The following FANCA variants were observed in gnomAD, a reference collection of about 807,000 sequenced individuals.
The protein encoded by FANCA is Fanconi anemia group A protein.
FANCA carries 236 observed loss-of-function variants against 194.3 expected under a neutral mutation model. The ratio of observed to expected loss-of-function variants is 1.21; its 90% CI spans 1.09 to 1.35. FANCA has a LOEUF of 1.35. Ranked by LOEUF, FANCA falls within the 40% of genes most tolerant of loss-of-function variation. The pLI, the probability that FANCA is intolerant of heterozygous loss-of-function variation, is 0.00. For synonymous variants in FANCA, 1,014 were observed against 715.8 expected (o/e 1.42, Z -6.65); for missense variants, 2,628 against 1,813.9 (o/e 1.45, Z -8.15).
intron 8 of FANCA, among the ~76,000 whole-genome samples, chr16:89,800,732 TAG>T (rs2040417347): frequency 6.6e-6 from 1 of 151,974 alleles, no homozygotes; most frequent in African/African-American, 2.4e-5. Flanking sequence ...CGGAACAGGA[TAG>T]AGAACCCAGA....
chr16:89,763,948 C>A lies in FANCA; in HGVS notation c.2778+942G>T, dbSNP rs891986670. On this transcript the variant is annotated intron_variant, in intron 28 of 42. Transcript: ENST00000389301. The stretch of plus-strand genomic sequence containing the variant: ...AAAAAAAACAAAACAACAACAACAA[C>A]AAAAAACAAGTTCTCGGGCGCAATG... 9.0e-5 allele frequency among the ~76,000 whole-genome samples: 13 copies of A among 145,028 alleles called. 1 individual carries two copies. The highest frequency in any genetic ancestry group is 6.5e-4 in the South Asian group (3 of 4,600).
chr16:89,778,679 C>T, intron 20 of FANCA, 122 bp downstream of exon 20: 1 of 709,936 alleles, frequency 1.4e-6, no homozygotes, highest in Non-Finnish European at 2.4e-6. Flanking sequence ...ATTTTGGAGC[C>T]AATATTTTAC....
At chr16:89,743,814 A>T (rs1160437733) in intron 36 of FANCA, among the ~76,000 whole-genome samples, 1 of 152,128 alleles carries the variant, frequency 6.6e-6, no homozygotes, top group Non-Finnish European at 1.5e-5. Context: ...CAAGAGTGAA[A>T]CTCTGTCTCA....
intron 14 of FANCA, chr16:89,790,921 C>A: frequency 5.0e-6 from 1 of 199,862 alleles, no homozygotes. Context: ...CCTTGATCTC[C>A]CAGGCTCAAG....
chr16:89,765,121 G>A, intron 27 of FANCA, 55 bp from the exon 28 acceptor site: 5 of 1,596,416 alleles, frequency 3.1e-6, no homozygotes, highest in Non-Finnish European at 4.3e-6. Flanking sequence ...CACTGTGAGT[G>A]GCTGAGCAAA....
chr16:89,800,987 G>A (rs1366907811), intron 8 of FANCA, among the ~76,000 whole-genome samples: 1 of 145,078 alleles, frequency 6.9e-6, no homozygotes, highest in Non-Finnish European at 1.5e-5. Flanking sequence ...GAACCAAGAT[G>A]GCACCACTGC....
chr16:89,773,416 G>A, intron 21 of FANCA, 32 bp from the exon 22 acceptor site: 5 of 1,453,818 alleles, frequency 3.4e-6, no homozygotes, highest in Non-Finnish European at 3.8e-6. Flanking sequence ...CAGATGGAAA[G>A]ACACTCAACA....
At chr16:89,800,012 T>C (rs2040390355) in intron 8 of FANCA, among the ~76,000 whole-genome samples, 1 of 151,958 alleles carries the variant, frequency 6.6e-6, no homozygotes, top group Non-Finnish European at 1.5e-5. Flanking sequence ...GAAAAAGAAA[T>C]GGACTTTACA....
chr16:89,743,790 T>C (rs2062186509), intron 36 of FANCA, among the ~76,000 whole-genome samples: 1 of 152,060 alleles, frequency 6.6e-6, no homozygotes, highest in Non-Finnish European at 1.5e-5. Context: ...GCCATCTCAC[T>C]CTAGGGTGGG....
rs1459779461 is a variant in FANCA at position 89,803,283 on chromosome 16, A to T, written c.768T>A (p.Thr256=). The part of the protein sequence containing the change: ...GFQKNSDLRR[T]VEPEKMPQVT... ...CCTGCGGCATTTTTTCAGGCTCCAC[A>T]GTTCTTCTCAGATCTGAGTTTTTCT... is the stretch of plus-strand genomic sequence containing the variant. The change falls in exon 8 of 43, where the codon ACT becomes ACA. Residue 256 remains threonine (T), a synonymous_variant. Coordinates refer to ENST00000389301, the MANE Select transcript of FANCA (RefSeq NM_000135.4). The T allele has an allele frequency of 1.2e-6, 2 of 1,614,204 alleles. No individual in the cohort carries two copies. The highest frequency in any genetic ancestry group is 1.7e-6 in the Non-Finnish European group (2 of 1,180,026).
Position 89,737,904 on chromosome 16 carries a change from CAGTA to C in FANCA, c.*693_*696del, listed in dbSNP as rs753790953. 1.9e-6 allele frequency: 3 copies of C among 1,601,332 alleles called. No homozygotes were observed. Among genetic ancestry groups the C allele is most frequent in the Non-Finnish European group, 2.5e-6 (3 of 1,178,358 alleles). On this transcript the variant is annotated 3_prime_UTR_variant, in exon 43 of 43. Transcript: ENST00000389301. ...GCGACATTCGGGAGCCAAGCCTTTG[CAGTA>C]AGTGTGAGTCAGGACCCCCTCCCAG...
intron 11 of FANCA, among the ~76,000 whole-genome samples, chr16:89,795,400 G>C (rs1423929304): frequency 6.6e-6 from 1 of 151,998 alleles, no homozygotes; most frequent in African/African-American, 2.4e-5. Flanking sequence ...ACTCTGGGAA[G>C]CCAAGGCAGG....
At position 89,773,285 on chromosome 16, in the gene FANCA, G is replaced by C. The variant is rs755293596; in HGVS notation, c.2000C>G (p.Pro667Arg). Residue 667 changes from proline (P) to arginine (R), a missense_variant, in exon 22 of 43, where the codon CCC (proline) becomes CGC (arginine). By Grantham distance (103) the Pro-to-Arg change is moderately radical. Transcript: ENST00000389301. ...LGELRASMTDPSQRDVISAQV... is the reference protein window; with the variant it reads ...LGELRASMTDRSQRDVISAQV... ...TCCATCCTCACCATCACGCTGGCTG[G>C]GGTCTGTCATGGAGGCTCTCAGCTC... is the stretch of plus-strand genomic sequence containing the variant. 16 of 1,550,794 alleles carry C rather than the reference G, an allele frequency of 1.0e-5. No individual in the cohort carries two copies. Among genetic ancestry groups the C allele is most frequent in the South Asian group, 2.4e-5 (2 of 84,046 alleles).
At chr16:89,741,972 A>ATT (rs34430410) in intron 37 of FANCA, among the ~76,000 whole-genome samples, 34 of 147,768 alleles carry the variant, frequency 2.3e-4, no homozygotes, top group African/African-American at 7.6e-4. Context: ...CTTTAAACAA[A>ATT]TTTTTTTTTT....
In FANCA at chr16:89,761,960, T is replaced by C. The variant is rs1555544202; in HGVS notation, c.2841A>G (p.Ser947=). 6.2e-7 allele frequency: 1 copy of C among 1,613,764 alleles called. No homozygotes were observed. The highest frequency in any genetic ancestry group is 8.5e-7 in the Non-Finnish European group (1 of 1,179,762). ...TTTTCAACACTTACCGTTCAGTATC[T>C]GAAAGAGCATCAGCTTCAGGTTGAA... ...LEIQPEADAL[S]DTERQDFHQW... The change falls in exon 29 of 43, where the codon TCA becomes TCG. Residue 947 remains serine (S), a synonymous_variant. Transcript: ENST00000389301.
At chr16:89,742,721 C>A in intron 37 of FANCA, 79 bp downstream of exon 37, 4 of 1,322,414 alleles carry the variant, frequency 3.0e-6, no homozygotes, top group Non-Finnish European at 4.2e-6. Flanking sequence ...AACAGTTCAT[C>A]AGACAAGCCC....
chr16:89,776,155 TTTTC>T (rs2039496300), intron 20 of FANCA, among the ~76,000 whole-genome samples: 2 of 134,204 alleles, frequency 1.5e-5, no homozygotes, highest in Admixed American at 7.4e-5. Context: ...GAATCTTTGT[TTTTC>T]TTTTTTTTTT....
At chr16:89,814,257 G>A (rs1190434664) in intron 3 of FANCA, among the ~76,000 whole-genome samples, 1 of 152,154 alleles carries the variant, frequency 6.6e-6, no homozygotes, top group Non-Finnish European at 1.5e-5. Context: ...CCCTGCTGTT[G>A]CTATGTCCCA....
At chr16:89,767,748 C>A (rs1169551146) in intron 26 of FANCA, among the ~76,000 whole-genome samples, 2 of 152,156 alleles carry the variant, frequency 1.3e-5, no homozygotes, top group African/African-American at 4.8e-5. Flanking sequence ...TGGGGTTTCA[C>A]CGTGTTAGCG....
Sources: allele counts gnomAD v4.1 joint callset (sites outside exome capture counted in the v4.1 genomes callset), GRCh38; gene constraint gnomAD v4.1.1; transcripts MANE v1.5; gene names NCBI Gene and HGNC (gene_info 2026-07-23, HGNC 2026-07-21).